Variants in SNED1 observed in about 807,000 individuals in gnomAD.
SNED1 encodes the protein sushi, nidogen and EGF like domains 1.
In SNED1, 81 loss-of-function variants were observed where a neutral mutation model predicts 166.7. That is an observed-to-expected ratio of 0.49 (90% CI 0.41 to 0.58). The LOEUF is 0.58. Among genes scored for constraint, SNED1 ranks in the 20% least tolerant of loss-of-function variants. SNED1 has a pLI of 0.00. For synonymous variants in SNED1, 762 were observed against 822.0 expected, an observed-to-expected ratio of 0.93 and a Z score of 1.25; for missense variants, 1,604 against 2,000.2, an observed-to-expected ratio of 0.80 and a Z score of 3.78.
intron 16 of SNED1, 32 bp downstream of exon 16, chr2:241,053,358 TG>T: frequency 2.6e-6 from 4 of 1,534,582 alleles, no homozygotes; most frequent in Non-Finnish European, 3.5e-6. Flanking sequence ...GTGGGGCAGG[TG>T]GGGCCCACAC....
chr2:240,999,252 C>T lies in SNED1; in HGVS notation c.213+202C>T, dbSNP rs1258553778. Reference sequence around the variant, plus strand: ...GAGAGGCGCGCGGGCGGGGCGGGGGCGGCAGCCGCCGGGCACCGAGGCGGG... The same window carrying T: ...GAGAGGCGCGCGGGCGGGGCGGGGGTGGCAGCCGCCGGGCACCGAGGCGGG... On this transcript the variant is annotated intron_variant, in intron 1 of 31. Coordinates refer to ENST00000310397, the MANE Select transcript of SNED1 (RefSeq NM_001080437.3). This position sits in a 1 kb window ranked among gnomAD's most constrained non-coding sequence, Gnocchi z 5.8. Among the ~76,000 whole-genome samples, 1 of 149,594 alleles carries T rather than the reference C, an allele frequency of 6.7e-6. No individual in the cohort carries two copies. The highest frequency in any genetic ancestry group is 1.5e-5 in the Non-Finnish European group (1 of 67,120).
rs1474477173 is a variant in SNED1 at position 241,064,306 on chromosome 2, TC to T, written c.2599+184del. 2.0e-5 allele frequency among the ~76,000 whole-genome samples: 3 copies of T among 151,502 alleles called. No individual in the cohort carries two copies. The highest frequency in any genetic ancestry group is 7.3e-5 in the African/African-American group (3 of 41,214). The stretch of plus-strand genomic sequence containing the variant: ...GTGGCCCTCCGCCTGTCTCCCTTGG[TC>T]CCACAATGGTGCCTTCTAAACCTCC... On this transcript the variant is annotated intron_variant, in intron 19 of 31. Transcript: ENST00000310397. The surrounding 1 kb of genome is among the most constrained non-coding windows in gnomAD (Gnocchi z 7.0).
chr2:241,079,772 A>G (rs1371783036), intron 27 of SNED1, among the ~76,000 whole-genome samples: 1 of 152,216 alleles, frequency 6.6e-6, no homozygotes, highest in East Asian at 1.9e-4. Flanking sequence ...GATTTTAATA[A>G]GAGTAGTCTG....
rs372202185 is a variant in SNED1 at position 241,018,002 on chromosome 2, G to A, written c.214-12282G>A. 5.3e-5 allele frequency among the ~76,000 whole-genome samples: 8 copies of A among 151,996 alleles called. No homozygotes were observed. Among genetic ancestry groups the A allele is most frequent in the East Asian group, 3.9e-4 (2 of 5,192 alleles). ...TCCGGAATTGAAAGTCTCATGTCCCGGGGACCCCCTCAGTTCCAGGCAAAC... is the reference window on the plus strand; with the variant it reads ...TCCGGAATTGAAAGTCTCATGTCCCAGGGACCCCCTCAGTTCCAGGCAAAC... On this transcript the variant is annotated intron_variant, in intron 1 of 31. Transcript: ENST00000310397. The surrounding 1 kb of genome is among the most constrained non-coding windows in gnomAD (Gnocchi z 5.4).
intron 2 of SNED1, among the ~76,000 whole-genome samples, chr2:241,031,816 T>G (rs2061179414): frequency 1.3e-5 from 2 of 152,198 alleles, no homozygotes. Context: ...TAATGTTGAC[T>G]TTTACATAAG....
At chr2:241,084,061 T>C (rs774918968) in intron 29 of SNED1, among the ~76,000 whole-genome samples, 1 of 152,096 alleles carries the variant, frequency 6.6e-6, no homozygotes, top group Non-Finnish European at 1.5e-5. Flanking sequence ...GGATTTGCCA[T>C]ACACATCTTC....
At chr2:241,029,409 G>A (rs2061088842) in intron 1 of SNED1, among the ~76,000 whole-genome samples, 1 of 152,224 alleles carries the variant, frequency 6.6e-6, no homozygotes, top group African/African-American at 2.4e-5. Context: ...GCAGAAGGCA[G>A]CTCTCTGGGG....
At chr2:241,000,494 G>T (rs1207684372) in intron 1 of SNED1, among the ~76,000 whole-genome samples, 2 of 152,222 alleles carry the variant, frequency 1.3e-5, no homozygotes, top group African/African-American at 4.8e-5. Context: ...GCTGGAGGAG[G>T]CCTGTCCACT....
At chr2:241,062,602 G>GCCAGGCACTGAGCC (rs1189204053) in intron 16 of SNED1, among the ~76,000 whole-genome samples, 189 bp from the exon 17 acceptor site, 1 of 152,150 alleles carries the variant, frequency 6.6e-6, no homozygotes, top group Non-Finnish European at 1.5e-5. Context: ...CACAGACACA[G>GCCAGGCACTGAGCC]CCAGGCACTG....
intron 1 of SNED1, among the ~76,000 whole-genome samples, chr2:241,012,842 G>A (rs977971663): frequency 5.6e-4 from 38 of 67,462 alleles, no homozygotes; most frequent in African/African-American, 2.0e-3. Flanking sequence ...TTTTTTTTTT[G>A]TTGTTGTTTT....
intron 1 of SNED1, among the ~76,000 whole-genome samples, chr2:241,028,739 TC>T (rs2061062303): frequency 6.6e-6 from 1 of 152,224 alleles, no homozygotes; most frequent in African/African-American, 2.4e-5. Flanking sequence ...GTACTTCCTT[TC>T]CAAGATTGTT....
At position 241,048,651 on chromosome 2, in the gene SNED1, CTT is replaced by C. The variant is rs746531586; in HGVS notation, c.1400-10_1400-9del. 3.7e-6 allele frequency: 6 copies of C among 1,601,220 alleles called. No homozygotes were observed. The highest frequency in any genetic ancestry group is 1.6e-4 in the Middle Eastern group (1 of 6,066). ...CCCCACATGGGAGGCTCCTCCCTCTCTTCGTGGCAGGAGTCCCCGATGACTGT... is the reference window on the plus strand; with the variant it reads ...CCCCACATGGGAGGCTCCTCCCTCTCCGTGGCAGGAGTCCCCGATGACTGT... On this transcript the variant is annotated splice_polypyrimidine_tract_variant and intron_variant, in intron 9 of 31. Transcript: ENST00000310397.
intron 8 of SNED1, among the ~76,000 whole-genome samples, chr2:241,046,726 G>A (rs2061657407): frequency 6.6e-6 from 1 of 152,172 alleles, no homozygotes; most frequent in Non-Finnish European, 1.5e-5. Context: ...GACTGTGGTG[G>A]GGGTTAAACA....
intron 21 of SNED1, among the ~76,000 whole-genome samples, chr2:241,066,461 C>G (rs1215893952): frequency 6.6e-6 from 1 of 152,178 alleles, no homozygotes; most frequent in South Asian, 2.1e-4. Flanking sequence ...GATCTCGGAA[C>G]AGGCTGGGCA....
Position 241,073,171 on chromosome 2 carries a change from C to T in SNED1, c.3818-95C>T. The T allele has an allele frequency of 1.1e-6, 1 of 872,052 alleles. No individual in the cohort carries two copies. The highest frequency in any genetic ancestry group is 2.3e-5 in the Admixed American group (1 of 42,708). The allele number at this position is 872,052 out of a possible 1,614,324, so 54.0% of individuals were successfully genotyped here. A position where few individuals can be genotyped will look rare whatever the true frequency, so the allele number is the denominator to read the frequency against. On this transcript the variant is annotated intron_variant, in intron 26 of 31. Coordinates refer to ENST00000310397, the MANE Select transcript of SNED1 (RefSeq NM_001080437.3). The surrounding 1 kb of genome is among the most constrained non-coding windows in gnomAD (Gnocchi z 6.6). ...CTGGTCCCCACCAGGGACATCCGTG[C>T]TCCCTGAGATATAGAAGCACTCAAA... is the stretch of plus-strand genomic sequence containing the variant.
intron 21 of SNED1, among the ~76,000 whole-genome samples, chr2:241,065,843 G>T (rs917291948): frequency 3.9e-5 from 6 of 151,926 alleles, no homozygotes; most frequent in African/African-American, 1.4e-4. Flanking sequence ...AGTGGGAGCA[G>T]CACAACCCCC....
At chr2:241,052,186 C>A in intron 14 of SNED1, 29 bp downstream of exon 14, 2 of 1,581,804 alleles carry the variant, frequency 1.3e-6, no homozygotes, top group South Asian at 1.1e-5. Context: ...CAGGCCAGGG[C>A]GGCCAGGGGT....
intron 2 of SNED1, chr2:241,033,448 C>T (rs1446457154): frequency 8.4e-6 from 3 of 355,224 alleles, no homozygotes; most frequent in African/African-American, 6.4e-5. Context: ...GGGCAGGGGA[C>T]AGTGTCTGCT....
intron 4 of SNED1, among the ~76,000 whole-genome samples, chr2:241,036,588 C>A (rs73110161): frequency 6.6e-6 from 1 of 151,994 alleles, no homozygotes; most frequent in Non-Finnish European, 1.5e-5. Flanking sequence ...AGAGGCCACG[C>A]CAACAGCACC....
Sources: allele counts gnomAD v4.1 joint callset (sites outside exome capture counted in the v4.1 genomes callset), GRCh38; gene constraint gnomAD v4.1.1; non-coding constraint Gnocchi (gnomAD v3.1); transcripts MANE v1.5; gene names NCBI Gene and HGNC (gene_info 2026-07-23, HGNC 2026-07-21).